Variants in ZNF391 observed in about 807,000 individuals in gnomAD.
ZNF391 encodes zinc finger protein 391.
For synonymous variants in ZNF391, 126 were observed against 142.1 expected (o/e 0.89, Z 0.80); for missense variants, 375 against 425.5 (o/e 0.88, Z 1.04).
chr6:27,377,273 A>G (rs189670175), intron 1 of ZNF391, among the ~76,000 whole-genome samples: 221 of 152,360 alleles, frequency 1.5e-3, no homozygotes, highest in Non-Finnish European at 7.5e-4. Flanking sequence ...TGGAAACAAC[A>G]GAGGAGACAA....
At chr6:27,397,889 C>A (rs1761863998) in intron 1 of ZNF391, among the ~76,000 whole-genome samples, 1 of 152,200 alleles carries the variant, frequency 6.6e-6, no homozygotes, top group South Asian at 2.1e-4. Flanking sequence ...CTCAGCCTCC[C>A]AGAGTGTTGG....
At chr6:27,390,489 G>A (rs942678545) in intron 1 of ZNF391, among the ~76,000 whole-genome samples, 5 of 152,190 alleles carry the variant, frequency 3.3e-5, no homozygotes, top group African/African-American at 1.2e-4. Context: ...CATTATGGTG[G>A]AGGAATCCCT....
upstream of ZNF391, among the ~76,000 whole-genome samples, chr6:27,386,924 A>C (rs537732848): frequency 3.2e-4 from 48 of 152,228 alleles, no homozygotes; most frequent in Non-Finnish European, 5.7e-4. Context: ...CACTATCAAA[A>C]GAGAGAAAAA....
chr6:27,388,086 C>T (rs561019949), upstream of ZNF391, among the ~76,000 whole-genome samples: 37 of 152,196 alleles, frequency 2.4e-4, no homozygotes, highest in Non-Finnish European at 8.8e-5. Flanking sequence ...TCTTCTAGTT[C>T]CTCAACTATT....
intron 1 of ZNF391, among the ~76,000 whole-genome samples, chr6:27,382,690 G>A (rs913542159): frequency 2.6e-5 from 4 of 152,148 alleles, no homozygotes; most frequent in Non-Finnish European, 5.9e-5. Flanking sequence ...TAAATTATAA[G>A]AACCAGAAAG....
At chr6:27,389,861 C>T (rs1229729365) in intron 1 of ZNF391, among the ~76,000 whole-genome samples, 1 of 121,058 alleles carries the variant, frequency 8.3e-6, no homozygotes, top group African/African-American at 3.0e-5. Flanking sequence ...GTTTATGTTT[C>T]TGATGATGAA....
At position 27,403,356 on chromosome 6, in the gene ZNF391, C is replaced by G. The variant is rs1762021662; in HGVS notation, c.*1909C>G. ...TTGGCACTTCTACATGTCCTACTTTCTTCGTTGTATTCCAGAAACCCTATC... is the reference window on the plus strand; with the variant it reads ...TTGGCACTTCTACATGTCCTACTTTGTTCGTTGTATTCCAGAAACCCTATC... On this transcript the variant is annotated 3_prime_UTR_variant, in exon 3 of 3. Transcript: ENST00000244576. 6.6e-6 allele frequency: 1 copy of G among 152,162 alleles called. No homozygotes were observed. Among genetic ancestry groups the G allele is most frequent in the African/African-American group, 2.4e-5 (1 of 41,418 alleles). 9.4% of individuals were successfully genotyped at this position (152,162 alleles called of 1,614,324 possible).
rs145459411 is a variant in ZNF391, at chr6:27,396,819, C to A, written c.-187-2623C>A. On this transcript the variant is annotated intron_variant, in intron 1 of 2. Transcript: ENST00000244576. Reference sequence around the variant, plus strand: ...CTTTGTATGTATGCATAAAGTGTTACTAGGTTTTAGTTTCAGGTAATTATT... The same window carrying A: ...CTTTGTATGTATGCATAAAGTGTTAATAGGTTTTAGTTTCAGGTAATTATT... Among the ~76,000 whole-genome samples, 65 of 152,236 alleles carry A rather than the reference C, an allele frequency of 4.3e-4. 1 individual carries two copies. Among genetic ancestry groups the A allele is most frequent in the African/African-American group, 1.5e-3 (64 of 41,530 alleles).
intron 1 of ZNF391, among the ~76,000 whole-genome samples, chr6:27,381,796 G>A (rs1006865339): frequency 1.3e-5 from 2 of 152,208 alleles, no homozygotes; most frequent in Non-Finnish European, 2.9e-5. Context: ...ACTTTAGGAG[G>A]CCAAGACAGG....
Position 27,401,537 on chromosome 6 carries a change from G to GAAATATATATAT in ZNF391, c.*90_*91insAAATATATATAT. 1 of 998,006 alleles carries GAAATATATATAT rather than the reference G, an allele frequency of 1.0e-6. No individual in the cohort carries two copies. The highest frequency in any genetic ancestry group is 1.4e-6 in the Non-Finnish European group (1 of 707,332). 61.8% of individuals were successfully genotyped at this position (998,006 alleles called of 1,614,324 possible). On this transcript the variant is annotated 3_prime_UTR_variant, in exon 3 of 3. Coordinates refer to ENST00000244576, the MANE Select transcript of ZNF391 (RefSeq NM_001076781.3). The stretch of plus-strand genomic sequence containing the variant: ...ATATATTTCAAGTATATATATACTT[G>GAAATATATATAT]TTCTAATTTTCTTTTATTAGATACC...
At chr6:27,388,603 C>A, upstream of ZNF391, 1 of 301,372 alleles carries the variant, frequency 3.3e-6, no homozygotes, top group Admixed American at 5.2e-5. Flanking sequence ...GACCCCCTTC[C>A]TCTTGCCTCT....
intron 1 of ZNF391, 114 bp downstream of exon 1, chr6:27,389,189 G>C: frequency 2.2e-6 from 1 of 456,674 alleles, no homozygotes; most frequent in Non-Finnish European, 4.4e-6. Context: ...CTCCACGGTT[G>C]GGACGCCGCG....
chr6:27,397,472 A>T (rs867999174), intron 1 of ZNF391, among the ~76,000 whole-genome samples: 9 of 152,168 alleles, frequency 5.9e-5, no homozygotes, highest in South Asian at 4.1e-4. Flanking sequence ...GCTGGGGAGG[A>T]ATCACATTTC....
intron 1 of ZNF391, chr6:27,394,970 C>A (rs1439658966): frequency 2.6e-5 from 4 of 152,152 alleles, no homozygotes; most frequent in African/African-American, 7.2e-5. Context: ...TTACCCAATG[C>A]CTGCACCTCC....
rs546392018 is a variant in ZNF391, at chr6:27,401,830, G to T, written c.*383G>T. The T allele has an allele frequency of 1.1e-3, 171 of 160,936 alleles. No homozygotes were observed. The highest frequency in any genetic ancestry group is 3.4e-3 in the Middle Eastern group (1 of 298). The allele number at this position is 160,936 out of a possible 1,614,324, so 10.0% of individuals were successfully genotyped here. A position where few individuals can be genotyped will look rare whatever the true frequency, so the allele number is the denominator to read the frequency against. On this transcript the variant is annotated 3_prime_UTR_variant, in exon 3 of 3. Transcript: ENST00000244576. ...CTGCTAATCTATTCCTTCAAGCGTG[G>T]GTCCCCGAACCACCAGGTTCTCCTC...
At chr6:27,385,032 GA>G (rs1486630401), upstream of ZNF391, among the ~76,000 whole-genome samples, 2 of 148,932 alleles carry the variant, frequency 1.3e-5, no homozygotes, top group Non-Finnish European at 3.0e-5. Context: ...AAAAAAAAAA[GA>G]TTTTTTTTAT....
At position 27,401,124 on chromosome 6, in the gene ZNF391, A is replaced by G; in HGVS notation, c.754A>G (p.Ser252Gly). 4.3e-6 allele frequency: 7 copies of G among 1,614,258 alleles called. No homozygotes were observed. The highest frequency in any genetic ancestry group is 3.3e-5 in the South Asian group (3 of 91,086). ...CACTGGAGAGAATCCCTATGAATGC[A>G]GTAAATGTGGAAAAGCTTTCAGTTG... ...IHTGENPYEC[S>G]KCGKAFSWIS... Residue 252 changes from serine to glycine, a missense_variant, in exon 3 of 3, where the codon AGT becomes GGT. Physicochemically the swap from Ser to Gly is moderately conservative, Grantham distance 56 (BLOSUM62 0). Transcript: ENST00000244576.
chr6:27,383,266 G>C (rs1761536373), intron 1 of ZNF391, among the ~76,000 whole-genome samples: 1 of 151,474 alleles, frequency 6.6e-6, no homozygotes, highest in South Asian at 2.1e-4. Flanking sequence ...GAGAGACAAA[G>C]ACAGGGGGTG....
chr6:27,378,842 T>A (rs578118524), intron 1 of ZNF391, among the ~76,000 whole-genome samples: 9 of 152,148 alleles, frequency 5.9e-5, no homozygotes, highest in Non-Finnish European at 1.0e-4. Flanking sequence ...TTTGGAAGGA[T>A]CTCTTTAGCC....
Sources: allele counts gnomAD v4.1 joint callset (sites outside exome capture counted in the v4.1 genomes callset), GRCh38; gene constraint gnomAD v4.1.1; transcripts MANE v1.5; gene names NCBI Gene and HGNC (gene_info 2026-07-23, HGNC 2026-07-21).